Variants in PRKG1 observed in about 807,000 individuals in gnomAD.
The protein encoded by PRKG1 is cGMP-dependent protein kinase 1.
In PRKG1, 35 loss-of-function variants were observed where a neutral mutation model predicts 88.1. The ratio of observed to expected loss-of-function variants is 0.40; its 90% CI spans 0.30 to 0.53. The LOEUF (loss-of-function observed/expected upper bound fraction) is 0.53, where lower values mean the gene tolerates loss of function less well. Among genes scored for constraint, PRKG1 ranks in the 20% least tolerant of loss-of-function variants. The probability of loss-of-function intolerance (pLI) is 0.59; values close to 1 mark genes in which losing one functional copy is unlikely to be tolerated. For missense variants in PRKG1, 540 were observed against 839.8 expected (o/e 0.64, Z 4.41); for synonymous variants, 303 against 292.5 (o/e 1.04, Z -0.37).
At chr10:51,763,875 T>G (rs1477067708) in intron 3 of PRKG1, among the ~76,000 whole-genome samples, 1 of 152,188 alleles carries the variant, frequency 6.6e-6, no homozygotes, top group East Asian at 1.9e-4. Context: ...CATCACATGG[T>G]GAGGAGACTA....
At chr10:51,595,012 G>T (rs1838407135) in intron 3 of PRKG1, among the ~76,000 whole-genome samples, 1 of 152,138 alleles carries the variant, frequency 6.6e-6, no homozygotes, top group Admixed American at 6.6e-5. Context: ...AGTGCTCCTG[G>T]ATGTATGATA....
At chr10:51,773,612 C>T (rs1838361151) in intron 3 of PRKG1, among the ~76,000 whole-genome samples, 1 of 152,088 alleles carries the variant, frequency 6.6e-6, no homozygotes, top group African/African-American at 2.4e-5. Context: ...TACCTCTTTC[C>T]TATAAAATTT....
At chr10:51,487,751 G>T (rs1840590991) in intron 3 of PRKG1, among the ~76,000 whole-genome samples, 1 of 152,086 alleles carries the variant, frequency 6.6e-6, no homozygotes, top group Admixed American at 6.6e-5. Context: ...TAATTTATTG[G>T]CATATAATTC....
chr10:52,001,280 G>T (rs1055412221), intron 5 of PRKG1, among the ~76,000 whole-genome samples: 4 of 151,460 alleles, frequency 2.6e-5, no homozygotes, highest in African/African-American at 9.7e-5. Context: ...TAAATACAGA[G>T]ACCTAATGTA....
intron 7 of PRKG1, among the ~76,000 whole-genome samples, chr10:52,072,184 T>A (rs1264695119): frequency 9.2e-6 from 1 of 108,528 alleles, no homozygotes; most frequent in Admixed American, 9.5e-5. Flanking sequence ...TTTTTTTTTT[T>A]ACGTTTTTCA....
At chr10:51,117,869 T>C (rs1845165919) in intron 1 of PRKG1, among the ~76,000 whole-genome samples, 1 of 152,214 alleles carries the variant, frequency 6.6e-6, no homozygotes, top group African/African-American at 2.4e-5. Context: ...GTTCTATGTT[T>C]AAAAATGAGT....
chr10:51,330,316 A>G (rs1311727410), intron 2 of PRKG1, among the ~76,000 whole-genome samples: 7 of 151,362 alleles, frequency 4.6e-5, no homozygotes, highest in East Asian at 1.9e-4. Flanking sequence ...ATGCCTGGCT[A>G]ATTTTTGTAT....
chr10:52,099,977 G>T (rs936496943), intron 7 of PRKG1, among the ~76,000 whole-genome samples: 1 of 152,178 alleles, frequency 6.6e-6, no homozygotes, highest in Non-Finnish European at 1.5e-5. Flanking sequence ...TATCGATGAT[G>T]ACAATGCTAG....
At chr10:51,005,682 G>A (rs905042262) in intron 1 of PRKG1, among the ~76,000 whole-genome samples, 1 of 152,140 alleles carries the variant, frequency 6.6e-6, no homozygotes, top group East Asian at 1.9e-4. Context: ...GAGTTTAAAC[G>A]AAACACTGTG....
intron 2 of PRKG1, among the ~76,000 whole-genome samples, chr10:51,414,846 A>T (rs1347117989): frequency 6.6e-6 from 1 of 152,216 alleles, no homozygotes. Context: ...TAAATAACTA[A>T]AAATTTTAAT....
At chr10:52,127,908 A>T in intron 7 of PRKG1, 1 of 592,852 alleles carries the variant, frequency 1.7e-6, no homozygotes, top group Non-Finnish European at 2.1e-6. Flanking sequence ...TCCTTAAAGC[A>T]CATTTATCTG....
intron 5 of PRKG1, among the ~76,000 whole-genome samples, chr10:52,044,686 G>A (rs1845824265): frequency 6.6e-6 from 1 of 152,132 alleles, no homozygotes; most frequent in African/African-American, 2.4e-5. Context: ...CTTACTACAT[G>A]TGCTTTATTT....
At chr10:51,800,160 G>C (rs1239625729) in intron 3 of PRKG1, among the ~76,000 whole-genome samples, 1 of 151,954 alleles carries the variant, frequency 6.6e-6, no homozygotes, top group East Asian at 1.9e-4. Flanking sequence ...ATCATAGGAA[G>C]AAATGCTAAA....
Position 51,013,174 on chromosome 10 carries a change from A to AG in PRKG1, c.266+21530_266+21531insG, listed in dbSNP as rs1554829819. ...TCAAGTTATATTACTTTTTACACTTATTTTTCATCTGCAAAATGGTTTATG... is the reference window on the plus strand; with the variant it reads ...TCAAGTTATATTACTTTTTACACTTAGTTTTTCATCTGCAAAATGGTTTATG... On this transcript the variant is annotated intron_variant, in intron 1 of 17. Coordinates refer to the PRKG1 transcript ENST00000401604. 1.3e-3 allele frequency among the ~76,000 whole-genome samples: 205 copies of AG among 152,226 alleles called. 1 individual carries two copies. The highest frequency in any genetic ancestry group is 4.7e-3 in the African/African-American group (196 of 41,560).
chr10:51,612,445 T>C (rs1838935391), intron 3 of PRKG1, among the ~76,000 whole-genome samples: 1 of 152,092 alleles, frequency 6.6e-6, no homozygotes, highest in Admixed American at 6.6e-5. Flanking sequence ...ATTATTGTTG[T>C]ATAGAAATGC....
chr10:51,169,782 T>G (rs9414843), intron 2 of PRKG1, among the ~76,000 whole-genome samples: 1 of 152,038 alleles, frequency 6.6e-6, no homozygotes, highest in Non-Finnish European at 1.5e-5. Flanking sequence ...TTATCTAACC[T>G]TTTTAGTCAT....
intron 2 of PRKG1, among the ~76,000 whole-genome samples, chr10:51,262,223 T>C (rs951479352): frequency 1.3e-5 from 2 of 152,184 alleles, no homozygotes; most frequent in Non-Finnish European, 2.9e-5. Context: ...TATAAATTCC[T>C]TTATTATTAT....
intron 5 of PRKG1, among the ~76,000 whole-genome samples, chr10:52,020,824 G>A (rs577217572): frequency 2.6e-5 from 4 of 152,034 alleles, no homozygotes; most frequent in Non-Finnish European, 4.4e-5. Flanking sequence ...CACGTGCCCC[G>A]GCTCACTCAC....
chr10:52,027,805 T>C (rs1227910910), intron 5 of PRKG1, among the ~76,000 whole-genome samples: 2 of 152,190 alleles, frequency 1.3e-5, no homozygotes, highest in African/African-American at 4.8e-5. Flanking sequence ...TATTATTTAT[T>C]TGAGACAGAG....
Sources: allele counts gnomAD v4.1 joint callset (sites outside exome capture counted in the v4.1 genomes callset), GRCh38; gene constraint gnomAD v4.1.1; transcripts MANE v1.5; gene names NCBI Gene and HGNC (gene_info 2026-07-23, HGNC 2026-07-21).